Variants in CCDC171 observed in about 807,000 individuals in gnomAD.
CCDC171 encodes coiled-coil domain-containing protein 171.
A neutral mutation model predicts 168.2 loss-of-function variants in CCDC171; 177 were observed. The ratio of observed to expected loss-of-function variants is 1.05; its 90% CI spans 0.93 to 1.19. CCDC171 has a LOEUF of 1.19. CCDC171 is among the 50% of genes most tolerant of loss of function. CCDC171 has a pLI of 0.00. For synonymous variants in CCDC171, 687 were observed against 540.8 expected (o/e 1.27, Z -3.75); for missense variants, 1,991 against 1,539.0 (o/e 1.29, Z -4.91).
At chr9:16,107,885 T>A in the CCDC171 span, among the ~76,000 whole-genome samples, 2 of 152,214 alleles carry the variant, frequency 1.3e-5, no homozygotes, top group Admixed American at 6.5e-5. Context: ...AAAGAATACA[T>A]TTCATTATAA....
chr9:15,776,875 A>G (rs2057354566), intron 18 of CCDC171, among the ~76,000 whole-genome samples: 1 of 152,250 alleles, frequency 6.6e-6, no homozygotes, highest in African/African-American at 2.4e-5. Flanking sequence ...AATTTAAATA[A>G]TCTTTCTGTG....
chr9:15,992,797 A>G (rs1200041926), intron 3 of CCDC171, among the ~76,000 whole-genome samples: 1 of 152,340 alleles, frequency 6.6e-6, no homozygotes, highest in East Asian at 1.9e-4. Context: ...TTATACACCA[A>G]TAACGGACAA....
intron 21 of CCDC171, among the ~76,000 whole-genome samples, chr9:15,803,518 A>G (rs942019174): frequency 6.6e-6 from 1 of 152,108 alleles, no homozygotes; most frequent in African/African-American, 2.4e-5. Flanking sequence ...TTAAATAGGG[A>G]ATCCTTTCCC....
intron 8 of CCDC171, among the ~76,000 whole-genome samples, chr9:16,036,372 C>T (rs1225507992): frequency 6.6e-6 from 1 of 152,220 alleles, no homozygotes; most frequent in Non-Finnish European, 1.5e-5. Context: ...TGGCCGGGCA[C>T]GGTGGCTCAC....
the CCDC171 span, among the ~76,000 whole-genome samples, chr9:16,078,055 AACACACACACAC>A: frequency 0.17 from 25,022 of 143,802 alleles, 2,104 homozygotes; most frequent in Admixed American, 0.2. Flanking sequence ...CACCCATGCA[AACACACACACAC>A]ACACACACAC....
At chr9:15,894,905 A>G (rs1563955429) in intron 24 of CCDC171, among the ~76,000 whole-genome samples, 1 of 152,150 alleles carries the variant, frequency 6.6e-6, no homozygotes. Context: ...GCAGGGCTTT[A>G]TATACTTTAC....
chr9:15,915,239 TA>T (rs1824327568), intron 24 of CCDC171, among the ~76,000 whole-genome samples: 1 of 152,232 alleles, frequency 6.6e-6, no homozygotes, highest in Admixed American at 6.5e-5. Flanking sequence ...TTAACGATAT[TA>T]ATCCTTCCAA....
chr9:15,891,058 A>C (rs1238192078), intron 24 of CCDC171, among the ~76,000 whole-genome samples: 3 of 152,220 alleles, frequency 2.0e-5, no homozygotes, highest in African/African-American at 7.2e-5. Context: ...AGTAAACCAC[A>C]AACAAGTACA....
chr9:15,615,139 C>G (rs2043989087), intron 6 of CCDC171, among the ~76,000 whole-genome samples: 1 of 151,860 alleles, frequency 6.6e-6, no homozygotes, highest in Non-Finnish European at 1.5e-5. Context: ...ATTAGCTAAC[C>G]AAATGTAGCA....
At chr9:15,728,088 C>G in intron 15 of CCDC171, 52 bp downstream of exon 15, 1 of 1,402,736 alleles carries the variant, frequency 7.1e-7, no homozygotes, top group Non-Finnish European at 9.9e-7. Context: ...GACATTTGTC[C>G]ACATCACAGT....
At chr9:15,925,203 A>T (rs1250648339) in intron 25 of CCDC171, among the ~76,000 whole-genome samples, 1 of 151,630 alleles carries the variant, frequency 6.6e-6, no homozygotes, top group African/African-American at 2.4e-5. Flanking sequence ...TTGACCGATT[A>T]TGAGTTTTTT....
chr9:15,839,979 CT>C (rs35498127), intron 21 of CCDC171, among the ~76,000 whole-genome samples: 48,908 of 151,902 alleles, frequency 0.32, 9,928 homozygotes, highest in East Asian at 0.64. Context: ...CCTTCAAATT[CT>C]CTTAAATAAT....
chr9:15,677,429 T>C (rs7049176), intron 9 of CCDC171, among the ~76,000 whole-genome samples: 74,540 of 151,828 alleles, frequency 0.49, 18,711 homozygotes, highest in East Asian at 0.77. Flanking sequence ...AGTAAGGTCA[T>C]GTGCTACTCA....
At chr9:15,797,315 C>T (rs754034324) in intron 21 of CCDC171, among the ~76,000 whole-genome samples, 27 of 152,268 alleles carry the variant, frequency 1.8e-4, no homozygotes, top group Admixed American at 4.6e-4. Context: ...CTCCTGGGCT[C>T]AACTAATCCT....
At chr9:16,063,179 A>G (rs778199305), downstream of CCDC171, among the ~76,000 whole-genome samples, 1 of 152,206 alleles carries the variant, frequency 6.6e-6, no homozygotes, top group Non-Finnish European at 1.5e-5. Context: ...GCACAATGTG[A>G]GTAGTGATTC....
intron 25 of CCDC171, among the ~76,000 whole-genome samples, chr9:15,969,660 A>G (rs1831153422): frequency 6.6e-6 from 1 of 152,192 alleles, no homozygotes; most frequent in Admixed American, 6.5e-5. Context: ...ATATTCTACT[A>G]TAATAAAGAA....
At chr9:15,827,020 G>C (rs1246617315) in intron 21 of CCDC171, among the ~76,000 whole-genome samples, 1 of 152,164 alleles carries the variant, frequency 6.6e-6, no homozygotes, top group Non-Finnish European at 1.5e-5. Flanking sequence ...ATATAGTTAA[G>C]AGTTGGTGGC....
chr9:16,034,853 C>T (rs1331183844), intron 6 of CCDC171, among the ~76,000 whole-genome samples: 4 of 152,126 alleles, frequency 2.6e-5, no homozygotes, highest in Non-Finnish European at 5.9e-5. Flanking sequence ...ATTTGGTTTT[C>T]AAATTTTCTG....
rs545070652 is a variant in CCDC171, at chr9:15,763,783, G to A, written c.2672-13817G>A. Among the ~76,000 whole-genome samples, 18 of 152,252 alleles carry A rather than the reference G, an allele frequency of 1.2e-4. No individual in the cohort carries two copies. The South Asian group carries it at 1.7e-3, about 14-fold the overall frequency. Reference sequence around the variant, plus strand: ...ATTGCTGAGTAATATTTCATTCTATGATTATACCAAAGTTTGTTCATTCAT... The same window carrying A: ...ATTGCTGAGTAATATTTCATTCTATAATTATACCAAAGTTTGTTCATTCAT... On this transcript the variant is annotated intron_variant, in intron 18 of 25. Transcript: ENST00000380701.
Sources: allele counts gnomAD v4.1 joint callset (sites outside exome capture counted in the v4.1 genomes callset), GRCh38; gene constraint gnomAD v4.1.1; transcripts MANE v1.5; gene names NCBI Gene and HGNC (gene_info 2026-07-23, HGNC 2026-07-21).